ADRA1B: variants seen among roughly 807,000 people sequenced by gnomAD.
The protein encoded by ADRA1B is adrenoceptor alpha 1B.
In ADRA1B, 17 loss-of-function variants were observed where a neutral mutation model predicts 17.9. That is an observed-to-expected ratio of 0.95 (90% confidence interval 0.65 to 1.42). The LOEUF (loss-of-function observed/expected upper bound fraction) is 1.42. ADRA1B is among the 40% of genes most tolerant of loss of function. ADRA1B has a pLI of 0.00. For synonymous variants in ADRA1B, 366 were observed against 327.6 expected (o/e 1.12, Z -1.27); for missense variants, 681 against 722.1 (o/e 0.94, Z 0.65).
At chr5:159,923,431 C>T (rs1324256857) in intron 1 of ADRA1B, among the ~76,000 whole-genome samples, 1 of 152,230 alleles carries the variant, frequency 6.6e-6, no homozygotes, top group Non-Finnish European at 1.5e-5. Flanking sequence ...AAGCAGACAG[C>T]TTCAAGACCT....
In ADRA1B at chr5:159,921,861, G is replaced by A. The variant is rs142896236; in HGVS notation, c.949+4007G>A. ...CACAAGGTTCTCAGAGATGACTCAAGACAGAGCCACCCCGACAAACACACA... is the reference window on the plus strand; with the variant it reads ...CACAAGGTTCTCAGAGATGACTCAAAACAGAGCCACCCCGACAAACACACA... On this transcript the variant is annotated intron_variant, in intron 1 of 1. Coordinates refer to ENST00000306675, the MANE Select transcript of ADRA1B (RefSeq NM_000679.4). Among the ~76,000 whole-genome samples the A allele has an allele frequency of 2.5e-3, 383 of 152,296 alleles. 3 individuals are homozygous for A. The highest frequency in any genetic ancestry group is 8.9e-3 in the African/African-American group (371 of 41,552).
chr5:159,927,731 GT>G (rs1355987934), intron 1 of ADRA1B, among the ~76,000 whole-genome samples: 1 of 152,000 alleles, frequency 6.6e-6, no homozygotes, highest in Non-Finnish European at 1.5e-5. Flanking sequence ...ATGTCTCCCT[GT>G]TTTAAAACCT....
chr5:159,894,947 C>T (rs2113109664), intron 1 of ADRA1B, among the ~76,000 whole-genome samples: 1 of 152,310 alleles, frequency 6.6e-6, no homozygotes, highest in Non-Finnish European at 1.5e-5. Context: ...GTTCACATAC[C>T]TCCGCTAGTT....
At chr5:159,896,853 T>A (rs1413640134) in intron 1 of ADRA1B, among the ~76,000 whole-genome samples, 1 of 152,234 alleles carries the variant, frequency 6.6e-6, no homozygotes, top group African/African-American at 2.4e-5. Flanking sequence ...TTGCATATTA[T>A]TTAATGAATT....
intron 1 of ADRA1B, chr5:159,868,923 T>A (rs1306196388): frequency 1.3e-5 from 2 of 152,106 alleles, no homozygotes; most frequent in African/African-American, 4.8e-5. Context: ...AAATTATCAG[T>A]TTTAAAAGGA....
the ADRA1B span, among the ~76,000 whole-genome samples, chr5:159,987,432 C>G: frequency 2.6e-5 from 4 of 152,214 alleles, no homozygotes; most frequent in Non-Finnish European, 4.4e-5. Context: ...TCCTTACGTG[C>G]AGAGACTGGG....
chr5:159,929,992 T>G (rs999906066), intron 1 of ADRA1B, among the ~76,000 whole-genome samples: 24 of 152,354 alleles, frequency 1.6e-4, no homozygotes, highest in African/African-American at 5.5e-4. Context: ...AACACTTCAG[T>G]GAAAGTTTCA....
intron 1 of ADRA1B, among the ~76,000 whole-genome samples, chr5:159,955,478 A>C (rs935302096): frequency 6.6e-6 from 1 of 152,160 alleles, no homozygotes; most frequent in Non-Finnish European, 1.5e-5. Flanking sequence ...GACTGCATGG[A>C]GCCTAATGGT....
chr5:159,867,495 T>C (rs79312943), intron 1 of ADRA1B, among the ~76,000 whole-genome samples: 3,785 of 152,240 alleles, frequency 0.025, 83 homozygotes, highest in Middle Eastern at 0.054. Context: ...TCTCTCATAT[T>C]TTCCTCTCCC....
chr5:159,940,768 G>A (rs1755102360), intron 1 of ADRA1B, among the ~76,000 whole-genome samples: 1 of 152,148 alleles, frequency 6.6e-6, no homozygotes, highest in East Asian at 1.9e-4. Flanking sequence ...GCAATTATCT[G>A]TGGTAGTTTT....
At chr5:159,953,762 G>T (rs1331792400) in intron 1 of ADRA1B, among the ~76,000 whole-genome samples, 1 of 152,134 alleles carries the variant, frequency 6.6e-6, no homozygotes, top group Non-Finnish European at 1.5e-5. Context: ...TCAGATGCAG[G>T]CATCTAAGAG....
At chr5:159,921,956 A>C (rs546486472) in intron 1 of ADRA1B, among the ~76,000 whole-genome samples, 1 of 152,246 alleles carries the variant, frequency 6.6e-6, no homozygotes, top group Non-Finnish European at 1.5e-5. Context: ...AATTGGTTTG[A>C]GTACTTGGCA....
At chr5:159,895,378 T>C (rs1754031203) in intron 1 of ADRA1B, among the ~76,000 whole-genome samples, 1 of 152,224 alleles carries the variant, frequency 6.6e-6, no homozygotes, top group East Asian at 1.9e-4. Flanking sequence ...ACATGCTTTC[T>C]TTACAAACAA....
chr5:159,945,365 TA>T (rs1289022084), intron 1 of ADRA1B, among the ~76,000 whole-genome samples: 3 of 151,864 alleles, frequency 2.0e-5, no homozygotes, highest in Non-Finnish European at 4.4e-5. Flanking sequence ...AATTAATAAA[TA>T]AATAAAAATA....
chr5:159,892,876 T>C (rs566022773), intron 1 of ADRA1B, among the ~76,000 whole-genome samples: 1 of 152,308 alleles, frequency 6.6e-6, no homozygotes, highest in East Asian at 1.9e-4. Context: ...GGTCAAATGG[T>C]ATTTCTACCT....
intron 1 of ADRA1B, among the ~76,000 whole-genome samples, chr5:159,865,499 T>A (rs1246430820): frequency 6.6e-6 from 1 of 152,212 alleles, no homozygotes; most frequent in African/African-American, 2.4e-5. Context: ...ATTCTCGCAA[T>A]CTCTATATGG....
chr5:159,887,599 A>T (rs566042746), intron 1 of ADRA1B, among the ~76,000 whole-genome samples: 3 of 152,312 alleles, frequency 2.0e-5, no homozygotes, highest in Middle Eastern at 6.8e-3. Context: ...AAGTAAGGCC[A>T]TGTTTAGACT....
the ADRA1B span, among the ~76,000 whole-genome samples, chr5:159,982,815 G>A: frequency 6.6e-6 from 1 of 152,152 alleles, no homozygotes; most frequent in East Asian, 1.9e-4. Context: ...AGGGAGGCAC[G>A]AAGCCTGCTA....
intron 1 of ADRA1B, among the ~76,000 whole-genome samples, chr5:159,889,771 A>G (rs1316924709): frequency 1.3e-5 from 2 of 152,242 alleles, no homozygotes; most frequent in East Asian, 3.9e-4. Flanking sequence ...TGATTTTGAG[A>G]TCTACCCAAA....
Sources: gnomAD v4.1 joint callset for allele counts (sites outside exome capture counted in the v4.1 genomes callset) on GRCh38, gnomAD v4.1.1 for gene constraint, MANE v1.5 for transcripts, NCBI Gene and HGNC (gene_info 2026-07-23, HGNC 2026-07-21) for gene names.